Variants in AFF1 observed in about 807,000 individuals in gnomAD.
AFF1 encodes the protein ALF transcription elongation factor 1, also known as AF4/FMR2 family member 1.
AFF1 carries 48 observed loss-of-function variants against 121.7 expected under a neutral mutation model. That is an observed-to-expected ratio of 0.39 (90% CI 0.31 to 0.50). AFF1 has a LOEUF of 0.50. Among genes scored for constraint, AFF1 ranks in the 20% least tolerant of loss-of-function variants. The pLI is 0.76. For synonymous variants in AFF1, 613 were observed against 563.0 expected (o/e 1.09, Z -1.26); for missense variants, 1,523 against 1,511.7 (o/e 1.01, Z -0.12).
At chr4:87,023,815 C>G (rs1176657759) in intron 2 of AFF1, among the ~76,000 whole-genome samples, 1 of 152,152 alleles carries the variant, frequency 6.6e-6, no homozygotes, top group Non-Finnish European at 1.5e-5. Context: ...AGGGTTCGTT[C>G]TATACTTGTG....
chr4:87,027,640 T>C (rs1041598071), intron 2 of AFF1, among the ~76,000 whole-genome samples: 1 of 152,186 alleles, frequency 6.6e-6, no homozygotes, highest in East Asian at 1.9e-4. Context: ...TCTAACATTA[T>C]GAACATTTTC....
At chr4:86,964,427 C>CTA (rs962466792) in intron 2 of AFF1, among the ~76,000 whole-genome samples, 2 of 143,050 alleles carry the variant, frequency 1.4e-5, no homozygotes, top group Admixed American at 1.4e-4. Context: ...CTGGGTTGTT[C>CTA]TATACATCTT....
At chr4:87,053,004 G>A (rs1038240350) in intron 4 of AFF1, among the ~76,000 whole-genome samples, 1 of 152,222 alleles carries the variant, frequency 6.6e-6, no homozygotes, top group East Asian at 1.9e-4. Flanking sequence ...TCATGTGTTC[G>A]GTTTGAGATG....
chr4:86,953,091 A>G (rs1721490821), intron 2 of AFF1, among the ~76,000 whole-genome samples: 1 of 151,916 alleles, frequency 6.6e-6, no homozygotes, highest in African/African-American at 2.4e-5. Flanking sequence ...TTAAGTTTGG[A>G]TGGGTAACTG....
At chr4:86,998,118 A>AAAAAAC (rs1725376132) in intron 2 of AFF1, among the ~76,000 whole-genome samples, 5 of 148,104 alleles carry the variant, frequency 3.4e-5, no homozygotes, top group Non-Finnish European at 7.5e-5. Context: ...AAAAAAAAAA[A>AAAAAAC]AAAAAAAAAC....
chr4:87,079,869 A>G (rs531366413), intron 4 of AFF1, among the ~76,000 whole-genome samples: 1 of 152,312 alleles, frequency 6.6e-6, no homozygotes, highest in Admixed American at 6.5e-5. Flanking sequence ...TTTTAAGTTT[A>G]TGTAATAGGG....
chr4:87,047,508 C>T lies in AFF1; in HGVS notation c.973C>T (p.Arg325Ter), dbSNP rs1346801780. The change falls in exon 4 of 21, where the codon CGA (arginine) becomes TGA (stop). Residue 325 changes from arginine (R) to a stop codon, truncating the protein, a stop_gained. Coordinates refer to ENST00000395146, the MANE Select transcript of AFF1 (RefSeq NM_001166693.3). LOFTEE classifies it high-confidence loss of function. ...ACTGAAACCACTGCCGGAGGACTAT[C>T]GACAGCAGACCTTTGAAAAAACAGA... ...PELKPLPEDYRQQTFEKTDLK... is the reference protein window; with the variant it reads ...PELKPLPEDY The T allele has an allele frequency of 6.2e-7, 1 of 1,614,158 alleles. No individual in the cohort carries two copies.
At chr4:87,121,703 C>G (rs994017792) in intron 12 of AFF1, among the ~76,000 whole-genome samples, 1 of 152,234 alleles carries the variant, frequency 6.6e-6, no homozygotes, top group Non-Finnish European at 1.5e-5. Flanking sequence ...AGAATATTAT[C>G]TGCTTCTAGG....
At position 87,046,195 on chromosome 4, in the gene AFF1, G is replaced by C. The variant is rs777939356; in HGVS notation, c.68G>C (p.Arg23Pro). The change falls in exon 3 of 21, where the codon CGA becomes CCA. Residue 23 changes from arginine (R) to proline (P), a missense_variant. Transcript: ENST00000395146. ...TACAATGACGACAGAAACCTGCTTC[G>C]AATTAGAGAGAAGGAAAGACGCAAC... The part of the protein sequence containing the change: ...SLYNDDRNLL[R>P]IREKERRNQE... 2 of 1,613,724 alleles carry C rather than the reference G, an allele frequency of 1.2e-6. No individual in the cohort carries two copies. Among genetic ancestry groups the C allele is most frequent in the Non-Finnish European group, 1.7e-6 (2 of 1,179,894 alleles).
chr4:86,996,403 T>G (rs1725199869), intron 2 of AFF1, among the ~76,000 whole-genome samples: 2 of 150,986 alleles, frequency 1.3e-5, no homozygotes, highest in Non-Finnish European at 3.0e-5. Context: ...TGCCTTGGGA[T>G]CCTGTTGATC....
chr4:86,990,322 A>T (rs1459199730), intron 2 of AFF1, among the ~76,000 whole-genome samples: 6 of 65,260 alleles, frequency 9.2e-5, no homozygotes, highest in South Asian at 3.6e-4. Flanking sequence ...GTCCCTATTT[A>T]AAAAAAAAAA....
At chr4:87,086,638 G>C (rs993403906) in intron 5 of AFF1, among the ~76,000 whole-genome samples, 21 of 152,114 alleles carry the variant, frequency 1.4e-4, no homozygotes, top group African/African-American at 5.1e-4. Flanking sequence ...GTTATAGGTC[G>C]CTGCTGGGCT....
At chr4:87,006,871 C>G (rs931369599) in intron 2 of AFF1, 3 of 803,964 alleles carry the variant, frequency 3.7e-6, no homozygotes, top group Non-Finnish European at 4.6e-6. Context: ...CGCTTGCCGC[C>G]TGCCTTTGGC....
chr4:87,097,572 T>C (rs1404942015), intron 8 of AFF1, among the ~76,000 whole-genome samples: 1 of 152,194 alleles, frequency 6.6e-6, no homozygotes, highest in African/African-American at 2.4e-5. Flanking sequence ...ACATATAAAA[T>C]TATCTAGGAA....
chr4:87,120,286 A>G (rs922979533), intron 12 of AFF1, among the ~76,000 whole-genome samples: 3 of 152,188 alleles, frequency 2.0e-5, no homozygotes, highest in African/African-American at 7.2e-5. Flanking sequence ...TCTCCTTCCG[A>G]GGCGAATCAC....
Position 87,111,306 on chromosome 4 carries a change from C to T in AFF1, c.1533+2991C>T, listed in dbSNP as rs112503700. 3.2e-4 allele frequency among the ~76,000 whole-genome samples: 9 copies of T among 27,704 alleles called. 3 individuals carry two copies. The highest frequency in any genetic ancestry group is 2.2e-3 in the East Asian group (2 of 926). The allele number at this position is 27,704 out of a possible 152,430, so 18.2% of individuals were successfully genotyped here. On this transcript the variant is annotated intron_variant, in intron 11 of 20. Transcript: ENST00000395146. The stretch of plus-strand genomic sequence containing the variant: ...TGCTGGGATTACAGGCGTGAGCCAC[C>T]GCGCCCGGCCTTACTTAAACTTTAT...
chr4:87,026,196 ACT>A (rs1728518853), intron 2 of AFF1, among the ~76,000 whole-genome samples: 2 of 151,914 alleles, frequency 1.3e-5, no homozygotes, highest in South Asian at 4.2e-4. Flanking sequence ...CAAGAGTGAA[ACT>A]CTGTCTCAAA....
intron 8 of AFF1, among the ~76,000 whole-genome samples, chr4:87,100,147 C>T (rs1323754049): frequency 6.6e-6 from 1 of 151,928 alleles, no homozygotes; most frequent in Non-Finnish European, 1.5e-5. Context: ...CTAATTTAAA[C>T]GTAGATTGAA....
chr4:87,107,720 G>A (rs187564562), intron 10 of AFF1, among the ~76,000 whole-genome samples: 74 of 152,300 alleles, frequency 4.9e-4, no homozygotes, highest in African/African-American at 1.7e-3. Context: ...GGCTTTGTGG[G>A]CCATATATGT....
Sources: gnomAD v4.1 joint callset for allele counts (sites outside exome capture counted in the v4.1 genomes callset) on GRCh38, gnomAD v4.1.1 for gene constraint, MANE v1.5 for transcripts, NCBI Gene and HGNC (gene_info 2026-07-23, HGNC 2026-07-21) for gene names.